The following FCF1 variants were observed in gnomAD, a reference collection of about 807,000 sequenced individuals.
The protein encoded by FCF1 is FCF1 rRNA-processing protein.
In FCF1, 17 loss-of-function variants were observed where a neutral mutation model predicts 32.5. That is an observed-to-expected ratio of 0.52 (90% CI 0.36 to 0.78). FCF1 has a LOEUF of 0.78. Among genes scored for constraint, FCF1 ranks in the 30% least tolerant of loss-of-function variants. The probability of loss-of-function intolerance (pLI) is 0.00; values close to 1 mark genes in which losing one functional copy is unlikely to be tolerated. For missense variants in FCF1, 201 were observed against 241.1 expected, an observed-to-expected ratio of 0.83 and a Z score of 1.10; for synonymous variants, 84 against 78.4, an observed-to-expected ratio of 1.07 and a Z score of -0.38.
rs758801045 is a variant in FCF1, at chr14:74,734,945, A to T, written c.*15A>T. The T allele has an allele frequency of 6.2e-7, 1 of 1,610,092 alleles. No homozygotes were observed. Among genetic ancestry groups the T allele is most frequent in the Admixed American group, 1.7e-5 (1 of 59,988 alleles). On this transcript the variant is annotated 3_prime_UTR_variant, in exon 8 of 8. Coordinates refer to ENST00000341162, the MANE Select transcript of FCF1 (RefSeq NM_015962.5). ...CTCGATTCTAATTCTTACAAGACAC[A>T]GTTCCTCTGCCTTTCTTCGACCAAC...
Position 74,737,980 on chromosome 14 carries a change from A to T in FCF1, c.*3050A>T, listed in dbSNP as rs1440436036. The T allele has an allele frequency of 1.4e-5, 2 of 145,392 alleles. No homozygotes were observed. The highest frequency in any genetic ancestry group is 3.0e-5 in the Non-Finnish European group (2 of 67,082). 9.0% of individuals were successfully genotyped at this position (145,392 alleles called of 1,614,324 possible). A position where few individuals can be genotyped will look rare whatever the true frequency, so the allele number is the denominator to read the frequency against. ...CATTCCAGCCTGGGCAACAAGAGTGAAACTCTGTCTCAAAAAAAAAAAAAA... is the reference window on the plus strand; with the variant it reads ...CATTCCAGCCTGGGCAACAAGAGTGTAACTCTGTCTCAAAAAAAAAAAAAA... On this transcript the variant is annotated 3_prime_UTR_variant, in exon 8 of 8. Transcript: ENST00000341162.
In FCF1 at chr14:74,728,511, A is replaced by G. The variant is rs538973734; in HGVS notation, c.366-4220A>G. Among the ~76,000 whole-genome samples the G allele has an allele frequency of 5.9e-5, 9 of 152,278 alleles. No homozygotes were observed. In the East Asian group the frequency reaches 1.5e-3, roughly 26 times the overall value. On this transcript the variant is annotated intron_variant, in intron 5 of 7. Transcript: ENST00000341162. ...GCTTAAGGAGATTTTGGGCTGAGAC[A>G]ATGGGGTTTTCTAGATATACAATCA...
chr14:74,724,909 A>G (rs1033178584), intron 5 of FCF1, among the ~76,000 whole-genome samples: 1 of 152,128 alleles, frequency 6.6e-6, no homozygotes. Context: ...TGTCTCAAAA[A>G]AAAAAGAAAG....
At chr14:74,723,658 A>C (rs916179350) in intron 5 of FCF1, among the ~76,000 whole-genome samples, 1 of 151,890 alleles carries the variant, frequency 6.6e-6, no homozygotes, top group Non-Finnish European at 1.5e-5. Flanking sequence ...GAGAAACCCT[A>C]TCTCTTCTAA....
intron 4 of FCF1, among the ~76,000 whole-genome samples, chr14:74,718,654 T>G (rs2090454244): frequency 6.6e-6 from 1 of 151,270 alleles, no homozygotes; most frequent in South Asian, 2.1e-4. Context: ...TTGTGTAAAG[T>G]AGAGACGGGG....
chr14:74,734,001 C>A (rs2090671905), intron 6 of FCF1, 75 bp from the exon 7 acceptor site: 1 of 956,838 alleles, frequency 1.0e-6, no homozygotes, highest in Non-Finnish European at 1.7e-6. Context: ...ACTGGTCAGT[C>A]GTTGTGCCAT....
In FCF1 at chr14:74,713,166, G is replaced by A. The variant is rs749833084; in HGVS notation, c.-32G>A. ...GACGTAGAAGTATTGCGCCGTTGGT[G>A]ATTACGGAAGAACCAGGAGTTTGGC... On this transcript the variant is annotated 5_prime_UTR_variant, in exon 1 of 8. Coordinates refer to ENST00000341162, the MANE Select transcript of FCF1 (RefSeq NM_015962.5). The A allele has an allele frequency of 6.2e-7, 1 of 1,614,212 alleles. No homozygotes were observed. Among genetic ancestry groups the A allele is most frequent in the Admixed American group, 1.7e-5 (1 of 60,026 alleles).
chr14:74,728,265 C>A (rs1175752225), intron 5 of FCF1, among the ~76,000 whole-genome samples: 1 of 152,074 alleles, frequency 6.6e-6, no homozygotes, highest in South Asian at 2.1e-4. Context: ...TTGTTTGTGT[C>A]CTCTTTTATT....
In FCF1 at chr14:74,732,156, A is replaced by T. The variant is rs200360781; in HGVS notation, c.366-575A>T. On this transcript the variant is annotated intron_variant, in intron 5 of 7. Coordinates refer to ENST00000341162, the MANE Select transcript of FCF1 (RefSeq NM_015962.5). Reference sequence around the variant, plus strand: ...TGTATTTTATTAATTAAATCATATTATATATATATATATGCATATGCCCTG... The same window carrying T: ...TGTATTTTATTAATTAAATCATATTTTATATATATATATGCATATGCCCTG... Among the ~76,000 whole-genome samples, 41 of 150,482 alleles carry T rather than the reference A, an allele frequency of 2.7e-4. 1 individual carries two copies. The East Asian group carries it at 6.2e-3, about 23-fold the overall frequency.
At chr14:74,723,041 GT>G (rs1249355247) in intron 4 of FCF1, among the ~76,000 whole-genome samples, 1 of 151,958 alleles carries the variant, frequency 6.6e-6, no homozygotes, top group Non-Finnish European at 1.5e-5. Context: ...GTTCAGCTTA[GT>G]TTTTTTTCCC....
intron 5 of FCF1, 139 bp from the exon 6 acceptor site, chr14:74,732,592 G>A: frequency 1.6e-6 from 1 of 631,556 alleles, no homozygotes; most frequent in Non-Finnish European, 2.8e-6. Flanking sequence ...CCCGTGAATT[G>A]TCTTTCCAGT....
At chr14:74,714,335 A>T (rs534225358) in intron 2 of FCF1, among the ~76,000 whole-genome samples, 18 of 152,310 alleles carry the variant, frequency 1.2e-4, no homozygotes, top group African/African-American at 3.6e-4. Flanking sequence ...TAGTCGTTAA[A>T]ACCTTCAGAA....
At chr14:74,727,879 G>T (rs2090594042) in intron 5 of FCF1, among the ~76,000 whole-genome samples, 1 of 152,050 alleles carries the variant, frequency 6.6e-6, no homozygotes. Context: ...TTTCCCCATT[G>T]CTTTTCTCAG....
In FCF1 at chr14:74,713,427, G is replaced by A. The variant is rs990454947; in HGVS notation, c.4-58G>A. 1.3e-5 allele frequency: 21 copies of A among 1,574,244 alleles called. No individual in the cohort carries two copies. The African/African-American group carries it at 2.6e-4, about 19-fold the overall frequency. On this transcript the variant is annotated intron_variant, in intron 1 of 7. Transcript: ENST00000341162. ...AGGCAATAGACAAGAGAAAAGAAGA[G>A]ACTTTAAAAGATGCCGTGTGTTTCC...
At chr14:74,733,958 T>G in intron 6 of FCF1, 118 bp from the exon 7 acceptor site, 1 of 663,448 alleles carries the variant, frequency 1.5e-6, no homozygotes, top group Non-Finnish European at 2.8e-6. Flanking sequence ...AGCCTGCCCT[T>G]CGCTACTTAC....
At chr14:74,732,042 G>C (rs1475334675) in intron 5 of FCF1, among the ~76,000 whole-genome samples, 1 of 152,104 alleles carries the variant, frequency 6.6e-6, no homozygotes. Flanking sequence ...CATACCCCAA[G>C]AGTGACAACT....
chr14:74,725,244 A>G lies in FCF1; in HGVS notation c.365+1900A>G, dbSNP rs543742358. 9.4e-4 allele frequency among the ~76,000 whole-genome samples: 143 copies of G among 151,462 alleles called. 3 individuals are homozygous for G. Among genetic ancestry groups the G allele is most frequent in the Non-Finnish European group, 1.8e-4 (12 of 67,800 alleles). ...GGTGGCTCATGCCTGTAATCCCAGA[A>G]CTTTGGGAGGCCGAGGCAGGCAGAT... On this transcript the variant is annotated intron_variant, in intron 5 of 7. Transcript: ENST00000341162.
chr14:74,734,245 G>A, intron 7 of FCF1, 75 bp downstream of exon 7: 1 of 826,060 alleles, frequency 1.2e-6, no homozygotes, highest in Non-Finnish European at 2.0e-6. Context: ...AAGTGATAAG[G>A]TTATAAAGGA....
chr14:74,732,338 G>T (rs2090650218), intron 5 of FCF1, among the ~76,000 whole-genome samples: 1 of 152,078 alleles, frequency 6.6e-6, no homozygotes. Context: ...ACTGTGTTGA[G>T]TGATCATCCT....
Sources: allele counts gnomAD v4.1 joint callset (sites outside exome capture counted in the v4.1 genomes callset), GRCh38; gene constraint gnomAD v4.1.1; transcripts MANE v1.5; gene names NCBI Gene and HGNC (gene_info 2026-07-23, HGNC 2026-07-21).